EGLN3: variants seen among roughly 807,000 people sequenced by gnomAD.
EGLN3 encodes prolyl hydroxylase EGLN3.
EGLN3 carries 15 observed loss-of-function variants against 26.0 expected under a neutral mutation model. The ratio of observed to expected loss-of-function variants is 0.58; its 90% CI spans 0.39 to 0.89. EGLN3 has a LOEUF of 0.89. Ranked by LOEUF, EGLN3 falls within the 40% of genes least tolerant of loss-of-function variation. The pLI, the probability that EGLN3 is intolerant of heterozygous loss-of-function variation, is 0.00. For missense variants in EGLN3, 238 were observed against 311.6 expected (o/e 0.76, Z 1.78); for synonymous variants, 147 against 127.2 (o/e 1.16, Z -1.05).
At chr14:33,943,962 G>A (rs2064500319) in intron 1 of EGLN3, among the ~76,000 whole-genome samples, 1 of 152,104 alleles carries the variant, frequency 6.6e-6, no homozygotes, top group South Asian at 2.1e-4. Context: ...TGCAGAGACA[G>A]GCTTGCATAA....
intron 3 of EGLN3, among the ~76,000 whole-genome samples, chr14:33,927,452 C>A (rs1404988652): frequency 6.6e-6 from 1 of 152,142 alleles, no homozygotes; most frequent in Non-Finnish European, 1.5e-5. Context: ...AGCCACCATG[C>A]CCGGCCTGTC....
intron 3 of EGLN3, among the ~76,000 whole-genome samples, chr14:33,927,606 C>A (rs112929309): frequency 1.3e-5 from 2 of 152,146 alleles, no homozygotes; most frequent in Non-Finnish European, 2.9e-5. Flanking sequence ...TCTTCCTCTG[C>A]GATCTCAGGC....
In EGLN3 at chr14:33,925,855, C is replaced by A. The variant is rs1300573900; in HGVS notation, c.*36G>T. The stretch of plus-strand genomic sequence containing the variant: ...ATTTAAGAGAATTCAGGAACCGTTA[C>A]TAAAATGAACAAGGCCAGCAGATTT... On this transcript the variant is annotated 3_prime_UTR_variant, in exon 5 of 5. Coordinates refer to ENST00000250457, the MANE Select transcript of EGLN3 (RefSeq NM_022073.4). 6.2e-7 allele frequency: 1 copy of A among 1,612,878 alleles called. No individual in the cohort carries two copies. Among genetic ancestry groups the A allele is most frequent in the East Asian group, 2.2e-5 (1 of 44,880 alleles).
chr14:33,927,274 T>C (rs977937005), intron 3 of EGLN3, among the ~76,000 whole-genome samples: 5 of 151,976 alleles, frequency 3.3e-5, no homozygotes, highest in African/African-American at 1.2e-4. Flanking sequence ...GTTCAAGCGA[T>C]TCTCCTGCCT....
At chr14:33,930,105 G>T (rs900778970) in intron 2 of EGLN3, among the ~76,000 whole-genome samples, 7 of 152,058 alleles carry the variant, frequency 4.6e-5, no homozygotes, top group Non-Finnish European at 1.0e-4. Flanking sequence ...TAAAGTTCAG[G>T]CCTCACACAT....
In EGLN3 at chr14:33,925,935, C is replaced by G; in HGVS notation, c.689-13G>C. On this transcript the variant is annotated splice_polypyrimidine_tract_variant and intron_variant, in intron 4 of 4. Coordinates refer to ENST00000250457, the MANE Select transcript of EGLN3 (RefSeq NM_022073.4). ...GATTCAGTTTTCCCTGGGTTGGGGA[C>G]AGAAAGGAGAATAAAGAGGGTATGG... The G allele has an allele frequency of 6.3e-7, 1 of 1,593,410 alleles. No individual in the cohort carries two copies. Among genetic ancestry groups the G allele is most frequent in the East Asian group, 2.3e-5 (1 of 44,402 alleles).
intron 1 of EGLN3, among the ~76,000 whole-genome samples, chr14:33,946,283 G>C (rs1373621226): frequency 2.0e-5 from 3 of 152,166 alleles, no homozygotes; most frequent in Non-Finnish European, 4.4e-5. Flanking sequence ...GGCTGAGGCA[G>C]GAGAATCGCT....
chr14:33,935,624 T>C (rs1466567844), intron 1 of EGLN3, among the ~76,000 whole-genome samples: 14 of 149,780 alleles, frequency 9.3e-5, no homozygotes, highest in African/African-American at 3.4e-4. Context: ...CACACACATA[T>C]ATATATATAC....
intron 1 of EGLN3, among the ~76,000 whole-genome samples, chr14:33,940,662 A>C (rs537770184): frequency 2.4e-4 from 36 of 152,244 alleles, no homozygotes; most frequent in African/African-American, 2.9e-4. Flanking sequence ...GGGACCACAG[A>C]GAACCACAGC....
At chr14:33,939,823 G>C (rs2064470429) in intron 1 of EGLN3, among the ~76,000 whole-genome samples, 2 of 152,128 alleles carry the variant, frequency 1.3e-5, no homozygotes, top group African/African-American at 4.8e-5. Context: ...GAACCCAGTT[G>C]GTCTGGCTGA....
chr14:33,942,715 T>A (rs2064491764), intron 1 of EGLN3, among the ~76,000 whole-genome samples: 1 of 152,362 alleles, frequency 6.6e-6, no homozygotes, highest in African/African-American at 2.4e-5. Flanking sequence ...TACTATCATA[T>A]TATTTGATTC....
chr14:33,926,997 T>C lies in EGLN3; in HGVS notation c.651A>G (p.Glu217=). The part of the protein sequence containing the change: ...AMTVWYFDAE[E]RAEAKKKFRN... ...TGAATTTCTTTTTGGCTTCTGCCCTTTCTTCAGCATCAAAGTACCAGACAG... is the reference window on the plus strand; with the variant it reads ...TGAATTTCTTTTTGGCTTCTGCCCTCTCTTCAGCATCAAAGTACCAGACAG... The change falls in exon 4 of 5, where the codon GAA becomes GAG. Residue 217 remains glutamate (E), a synonymous_variant. Coordinates refer to ENST00000250457, the MANE Select transcript of EGLN3 (RefSeq NM_022073.4). 6.2e-7 allele frequency: 1 copy of C among 1,608,682 alleles called. No individual in the cohort carries two copies. The highest frequency in any genetic ancestry group is 8.5e-7 in the Non-Finnish European group (1 of 1,177,556).
intron 1 of EGLN3, among the ~76,000 whole-genome samples, chr14:33,944,279 G>A (rs2064502670): frequency 6.6e-6 from 1 of 152,064 alleles, no homozygotes; most frequent in African/African-American, 2.4e-5. Context: ...AAACCACCAT[G>A]CCCGGCTAGA....
At chr14:33,947,383 A>C (rs1022197516) in intron 1 of EGLN3, among the ~76,000 whole-genome samples, 28 of 152,228 alleles carry the variant, frequency 1.8e-4, no homozygotes, top group Non-Finnish European at 4.0e-4. Context: ...GATGAGGTAG[A>C]CAAATTCTGA....
chr14:33,931,838 G>A (rs2064406601), intron 1 of EGLN3, among the ~76,000 whole-genome samples: 1 of 152,200 alleles, frequency 6.6e-6, no homozygotes, highest in Non-Finnish European at 1.5e-5. Flanking sequence ...AAAAAGCCAT[G>A]CATGTATCTT....
chr14:33,926,839 G>A (rs2064365320), intron 4 of EGLN3, 121 bp downstream of exon 4: 2 of 616,072 alleles, frequency 3.2e-6, no homozygotes, highest in South Asian at 4.1e-5. Context: ...CCATCAAGAT[G>A]TCATTATATA....
chr14:33,950,180 C>T, intron 1 of EGLN3: 1 of 602,256 alleles, frequency 1.7e-6, no homozygotes. Context: ...AACAGAAGGT[C>T]ATCATCATGG....
intron 1 of EGLN3, among the ~76,000 whole-genome samples, chr14:33,945,019 A>G (rs1431060584): frequency 6.6e-6 from 1 of 152,204 alleles, no homozygotes. Context: ...AAACTTGCCC[A>G]TTGGAGAGAC....
chr14:33,946,426 C>G (rs2064518930), intron 1 of EGLN3, among the ~76,000 whole-genome samples: 1 of 152,084 alleles, frequency 6.6e-6, no homozygotes, highest in South Asian at 2.1e-4. Flanking sequence ...GCACAGTACT[C>G]TATTTTTTTC....
Sources: gnomAD v4.1 joint callset for allele counts (sites outside exome capture counted in the v4.1 genomes callset) on GRCh38, gnomAD v4.1.1 for gene constraint, MANE v1.5 for transcripts, NCBI Gene and HGNC (gene_info 2026-07-23, HGNC 2026-07-21) for gene names.